REDIC1: variants seen among roughly 807,000 people sequenced by gnomAD.
The protein encoded by REDIC1 is regulator of DNA class I crossover intermediates 1, also known as HEI10 Interacting Protein 1.
chr12:39,677,711 A>G, the REDIC1 span, among the ~76,000 whole-genome samples: 1 of 152,216 alleles, frequency 6.6e-6, no homozygotes, highest in Non-Finnish European at 1.5e-5. Context: ...GTCACAATAA[A>G]TTTAAGAAAA....
the REDIC1 span, among the ~76,000 whole-genome samples, chr12:39,717,337 G>C: frequency 3.3e-5 from 5 of 151,770 alleles, no homozygotes; most frequent in South Asian, 1.0e-3. Flanking sequence ...CACATATTTT[G>C]TATGTTGTAT....
chr12:39,720,925 G>A, the REDIC1 span: 2 of 1,613,652 alleles, frequency 1.2e-6, no homozygotes, highest in African/African-American at 1.3e-5. Flanking sequence ...TAAAAACGAT[G>A]ACAAAATTCA....
At chr12:39,805,825 C>T in the REDIC1 span, among the ~76,000 whole-genome samples, 14 of 151,988 alleles carry the variant, frequency 9.2e-5, no homozygotes, top group Non-Finnish European at 1.9e-4. Context: ...GGGAGTTGCC[C>T]GTTTTTTTCT....
the REDIC1 span, among the ~76,000 whole-genome samples, chr12:39,897,036 C>G: frequency 6.6e-6 from 1 of 152,078 alleles, no homozygotes; most frequent in Non-Finnish European, 1.5e-5. Context: ...CAAGTTCTAA[C>G]CCTTAGTTCA....
the REDIC1 span, among the ~76,000 whole-genome samples, chr12:39,773,850 G>T: frequency 6.6e-6 from 1 of 152,162 alleles, no homozygotes; most frequent in Non-Finnish European, 1.5e-5. Context: ...AAAAGATCCA[G>T]AATTTTAGAA....
At chr12:39,678,395 A>C in the REDIC1 span, among the ~76,000 whole-genome samples, 1 of 152,078 alleles carries the variant, frequency 6.6e-6, no homozygotes, top group East Asian at 1.9e-4. Context: ...AGGAAGAAAT[A>C]GAAACTCTGA....
the REDIC1 span, among the ~76,000 whole-genome samples, chr12:39,849,131 G>T: frequency 3.3e-5 from 5 of 151,942 alleles, no homozygotes; most frequent in Non-Finnish European, 7.4e-5. Context: ...TGACATGTTT[G>T]TCTATATAAC....
the REDIC1 span, among the ~76,000 whole-genome samples, chr12:39,869,866 C>T: frequency 6.6e-6 from 1 of 152,194 alleles, no homozygotes; most frequent in Non-Finnish European, 1.5e-5. Context: ...ATGCTCAGAG[C>T]CCTTTACTCT....
At chr12:39,785,295 G>C in the REDIC1 span, among the ~76,000 whole-genome samples, 1 of 152,188 alleles carries the variant, frequency 6.6e-6, no homozygotes, top group African/African-American at 2.4e-5. Flanking sequence ...TCCAGCCACA[G>C]CTGAAAGGGG....
chr12:39,726,461 C>T, the REDIC1 span, among the ~76,000 whole-genome samples: 5 of 152,094 alleles, frequency 3.3e-5, no homozygotes, highest in African/African-American at 4.8e-5. Flanking sequence ...TGGTTTGAAG[C>T]TTCATCCATG....
chr12:39,896,063 C>A, the REDIC1 span, among the ~76,000 whole-genome samples: 2 of 106,476 alleles, frequency 1.9e-5, no homozygotes, highest in African/African-American at 7.6e-5. Flanking sequence ...TATATGCATA[C>A]ATATATGTAT....
chr12:39,902,268 C>A, the REDIC1 span, among the ~76,000 whole-genome samples: 1 of 151,248 alleles, frequency 6.6e-6, no homozygotes, highest in Non-Finnish European at 1.5e-5. Flanking sequence ...TGCAGCACAC[C>A]AGCATGGCAC....
At chr12:39,654,036 T>C in the REDIC1 span, among the ~76,000 whole-genome samples, 1 of 152,104 alleles carries the variant, frequency 6.6e-6, no homozygotes, top group East Asian at 1.9e-4. Flanking sequence ...TGTCAAGTGC[T>C]CCTTCCATGT....
the REDIC1 span, among the ~76,000 whole-genome samples, chr12:39,680,928 C>T: frequency 2.0e-5 from 3 of 152,164 alleles, no homozygotes; most frequent in Non-Finnish European, 2.9e-5. Flanking sequence ...AACATTGTTA[C>T]GTTCTTACTT....
chr12:39,674,879 C>T, the REDIC1 span, among the ~76,000 whole-genome samples: 1 of 152,136 alleles, frequency 6.6e-6, no homozygotes, highest in Non-Finnish European at 1.5e-5. Flanking sequence ...TTTGACTAAG[C>T]ATGAATTTTC....
At chr12:39,862,408 A>G in the REDIC1 span, among the ~76,000 whole-genome samples, 1 of 152,222 alleles carries the variant, frequency 6.6e-6, no homozygotes. Context: ...ATAGATTTCT[A>G]CAAGTGGACG....
chr12:39,712,967 GTATATGTA>G, the REDIC1 span, among the ~76,000 whole-genome samples: 1 of 17,306 alleles, frequency 5.8e-5, no homozygotes, highest in Admixed American at 6.5e-4. Flanking sequence ...GCATATACGT[GTATATGTA>G]TATATACATG....
the REDIC1 span, among the ~76,000 whole-genome samples, chr12:39,770,744 C>T: frequency 6.6e-6 from 1 of 152,138 alleles, no homozygotes; most frequent in Non-Finnish European, 1.5e-5. Context: ...TAGTTAACAC[C>T]ACCTTACCCT....
chr12:39,856,525 T>G, the REDIC1 span, among the ~76,000 whole-genome samples: 1 of 152,050 alleles, frequency 6.6e-6, no homozygotes, highest in Non-Finnish European at 1.5e-5. Context: ...CATGCCACCA[T>G]GCCCAGCTAA....
Sources: gnomAD v4.1 joint callset for allele counts (sites outside exome capture counted in the v4.1 genomes callset) on GRCh38, gnomAD v4.1.1 for gene constraint, MANE v1.5 for transcripts, NCBI Gene and HGNC (gene_info 2026-07-23, HGNC 2026-07-21) for gene names.